TBC1D5: variants seen among roughly 807,000 people sequenced by gnomAD.
TBC1D5 encodes TBC1 domain family, member 5.
In TBC1D5, 75 loss-of-function variants were observed where a neutral mutation model predicts 100.3. That is an observed-to-expected ratio of 0.75 (90% confidence interval 0.62 to 0.91). The LOEUF (loss-of-function observed/expected upper bound fraction) is 0.91. TBC1D5 is among the 40% of genes least tolerant of loss of function. TBC1D5 has a pLI of 0.00. For missense variants in TBC1D5, 910 were observed against 942.4 expected (o/e 0.97, Z 0.45); for synonymous variants, 323 against 325.6 (o/e 0.99, Z 0.09).
chr3:17,331,823 G>A (rs1194584448), intron 13 of TBC1D5, among the ~76,000 whole-genome samples: 1 of 152,228 alleles, frequency 6.6e-6, no homozygotes, highest in Non-Finnish European at 1.5e-5. Flanking sequence ...GAGACAGCAT[G>A]TACAAAGGCT....
chr3:17,632,979 C>T (rs2063619751), intron 1 of TBC1D5, among the ~76,000 whole-genome samples: 1 of 152,094 alleles, frequency 6.6e-6, no homozygotes, highest in South Asian at 2.1e-4. Flanking sequence ...ACAATTATAA[C>T]TTTATTCCAA....
At chr3:17,587,573 T>G (rs1407087977) in intron 2 of TBC1D5, among the ~76,000 whole-genome samples, 1 of 152,044 alleles carries the variant, frequency 6.6e-6, no homozygotes, top group Non-Finnish European at 1.5e-5. Context: ...TTTTGTCCTT[T>G]TAGATATACC....
At chr3:17,344,585 C>T (rs75342952) in intron 13 of TBC1D5, among the ~76,000 whole-genome samples, 61,790 of 151,642 alleles carry the variant, frequency 0.41, 13,229 homozygotes, top group Middle Eastern at 0.5. Context: ...TCATATGGTA[C>T]CAAAAAAGAG....
intron 8 of TBC1D5, among the ~76,000 whole-genome samples, chr3:17,400,135 A>G (rs999246062): frequency 6.6e-6 from 1 of 151,996 alleles, no homozygotes; most frequent in Non-Finnish European, 1.5e-5. Flanking sequence ...GCAGCATCCT[A>G]TCTGTGTTAT....
intron 3 of TBC1D5, among the ~76,000 whole-genome samples, chr3:17,467,059 C>T (rs762792501): frequency 1.2e-4 from 18 of 151,964 alleles, no homozygotes; most frequent in African/African-American, 3.1e-4. Flanking sequence ...CTGATTTCTA[C>T]GTCTACTCTT....
intron 1 of TBC1D5, among the ~76,000 whole-genome samples, chr3:17,695,954 C>T (rs2071992196): frequency 6.6e-6 from 1 of 152,124 alleles, no homozygotes; most frequent in East Asian, 1.9e-4. Flanking sequence ...TCATCAAAAC[C>T]ACACACTACT....
At chr3:17,585,237 G>A (rs150519059) in intron 2 of TBC1D5, among the ~76,000 whole-genome samples, 1 of 152,308 alleles carries the variant, frequency 6.6e-6, no homozygotes, top group Non-Finnish European at 1.5e-5. Context: ...ATGGGTACTA[G>A]AAGAGATCAC....
chr3:17,631,531 TAGA>T (rs1229093135), intron 1 of TBC1D5, among the ~76,000 whole-genome samples: 1 of 152,336 alleles, frequency 6.6e-6, no homozygotes, highest in East Asian at 1.9e-4. Flanking sequence ...TTCAATGTAT[TAGA>T]AGAAGATGCC....
intron 18 of TBC1D5, among the ~76,000 whole-genome samples, chr3:17,209,725 T>C (rs550542445): frequency 6.6e-6 from 1 of 152,372 alleles, no homozygotes; most frequent in South Asian, 2.1e-4. Context: ...CCTTTGGTGT[T>C]ACCAATTGTC....
chr3:17,197,000 T>C (rs990677249), intron 18 of TBC1D5, among the ~76,000 whole-genome samples: 3 of 152,140 alleles, frequency 2.0e-5, no homozygotes, highest in African/African-American at 7.2e-5. Flanking sequence ...CAGCTACACG[T>C]AGGAATGCAG....
intron 16 of TBC1D5, among the ~76,000 whole-genome samples, chr3:17,247,419 T>A (rs1661180725): frequency 1.3e-5 from 2 of 152,282 alleles, no homozygotes; most frequent in African/African-American, 4.8e-5. Context: ...AATAACACTA[T>A]GTCTAAAAAA....
At chr3:17,262,936 A>G (rs2078462997) in intron 15 of TBC1D5, among the ~76,000 whole-genome samples, 1 of 152,020 alleles carries the variant, frequency 6.6e-6, no homozygotes, top group Non-Finnish European at 1.5e-5. Context: ...AACTATACAT[A>G]AAGATGTAGG....
At position 17,247,446 on chromosome 3, in the gene TBC1D5, A is replaced by T. The variant is rs139368432; in HGVS notation, c.1332-9027T>A. On this transcript the variant is annotated intron_variant, in intron 16 of 21. Coordinates refer to ENST00000253692, the Ensembl canonical transcript of TBC1D5. ...TCTAAAAAAAGGAAAAATACTAATT[A>T]AAAAAATACTTTATTGCCAAAAGAT... Among the ~76,000 whole-genome samples, 518 of 152,328 alleles carry T rather than the reference A, an allele frequency of 3.4e-3. 4 individuals carry two copies. The highest frequency in any genetic ancestry group is 0.011 in the African/African-American group (471 of 41,562).
At chr3:17,661,741 G>A (rs994269812) in intron 1 of TBC1D5, among the ~76,000 whole-genome samples, 1 of 151,980 alleles carries the variant, frequency 6.6e-6, no homozygotes, top group Non-Finnish European at 1.5e-5. Flanking sequence ...CTTGTAATCT[G>A]CCCACCTCAG....
At chr3:17,330,732 A>G (rs1194739223) in intron 13 of TBC1D5, among the ~76,000 whole-genome samples, 1 of 152,128 alleles carries the variant, frequency 6.6e-6, no homozygotes, top group Non-Finnish European at 1.5e-5. Flanking sequence ...TTTCAGACTA[A>G]TATGTGTAGC....
At chr3:17,408,614 C>T (rs2093837932) in intron 4 of TBC1D5, among the ~76,000 whole-genome samples, 1 of 152,106 alleles carries the variant, frequency 6.6e-6, no homozygotes, top group African/African-American at 2.4e-5. Flanking sequence ...AGACAGTGTG[C>T]CCAAGTCCTA....
intron 21 of TBC1D5, among the ~76,000 whole-genome samples, chr3:17,163,230 C>T (rs1174637163): frequency 6.7e-6 from 1 of 149,902 alleles, no homozygotes; most frequent in Non-Finnish European, 1.5e-5. Flanking sequence ...GCTGACAGGG[C>T]CTTAGCAGCC....
intron 9 of TBC1D5, among the ~76,000 whole-genome samples, chr3:17,377,747 A>C (rs1198958154): frequency 1.3e-5 from 2 of 152,036 alleles, no homozygotes; most frequent in Non-Finnish European, 1.5e-5. Flanking sequence ...ATAATATGCA[A>C]GTTAACTTTT....
chr3:17,414,874 T>C (rs1480985239), intron 4 of TBC1D5, among the ~76,000 whole-genome samples: 3 of 152,138 alleles, frequency 2.0e-5, no homozygotes, highest in Admixed American at 6.5e-5. Context: ...CATAAATATA[T>C]ATAAAAAAAC....
Sources: gnomAD v4.1 joint callset for allele counts (sites outside exome capture counted in the v4.1 genomes callset) on GRCh38, gnomAD v4.1.1 for gene constraint, MANE v1.5 for transcripts, NCBI Gene and HGNC (gene_info 2026-07-23, HGNC 2026-07-21) for gene names.